GALNTL6: variants seen among roughly 807,000 people sequenced by gnomAD.
The protein encoded by GALNTL6 is polypeptide N-acetylgalactosaminyltransferase like 6, also known as polypeptide N-acetylgalactosaminyltransferase-like 6.
In GALNTL6, 46 loss-of-function variants were observed where a neutral mutation model predicts 73.7. That is an observed-to-expected ratio of 0.62 (90% CI 0.49 to 0.80). The LOEUF (loss-of-function observed/expected upper bound fraction) is 0.80, where lower values mean the gene tolerates loss of function less well. Ranked by LOEUF, GALNTL6 falls within the 30% of genes least tolerant of loss-of-function variation. The pLI, the probability that GALNTL6 is intolerant of heterozygous loss-of-function variation, is 0.00. For missense variants in GALNTL6, 604 were observed against 755.0 expected (o/e 0.80, Z 2.34); for synonymous variants, 259 against 263.7 (o/e 0.98, Z 0.17).
chr4:171,916,096 G>A (rs569718481), intron 2 of GALNTL6, among the ~76,000 whole-genome samples: 27 of 151,424 alleles, frequency 1.8e-4, no homozygotes, highest in African/African-American at 2.9e-4. Context: ...CATATTCTAC[G>A]TTTGAGATAT....
At chr4:172,452,269 CAAA>C (rs926077853) in intron 5 of GALNTL6, among the ~76,000 whole-genome samples, 1 of 149,022 alleles carries the variant, frequency 6.7e-6, no homozygotes, top group African/African-American at 2.5e-5. Flanking sequence ...TAAAAGTGAA[CAAA>C]AAAAAGACAC....
At chr4:172,045,627 T>C (rs1324323685) in intron 2 of GALNTL6, among the ~76,000 whole-genome samples, 3 of 151,990 alleles carry the variant, frequency 2.0e-5, no homozygotes, top group African/African-American at 4.8e-5. Context: ...ACTGTTCCTT[T>C]TTAGGCATGT....
chr4:173,008,562 C>T (rs192362972), intron 10 of GALNTL6, among the ~76,000 whole-genome samples: 33 of 152,242 alleles, frequency 2.2e-4, no homozygotes, highest in Admixed American at 6.5e-4. Context: ...ATTATAGGGC[C>T]GCTAAATGAG....
At chr4:172,869,096 T>A (rs1744797601) in intron 7 of GALNTL6, among the ~76,000 whole-genome samples, 1 of 152,210 alleles carries the variant, frequency 6.6e-6, no homozygotes, top group South Asian at 2.1e-4. Flanking sequence ...TTTGAGAATA[T>A]TCTATGCTGG....
At chr4:172,648,487 A>T (rs1480164093) in intron 5 of GALNTL6, among the ~76,000 whole-genome samples, 4 of 152,158 alleles carry the variant, frequency 2.6e-5, no homozygotes, top group African/African-American at 4.8e-5. Context: ...ATGAATATGA[A>T]TTATTAGAAT....
chr4:172,950,501 A>C (rs938410546), intron 9 of GALNTL6, among the ~76,000 whole-genome samples: 2 of 152,158 alleles, frequency 1.3e-5, no homozygotes, highest in Admixed American at 1.3e-4. Flanking sequence ...CACCAAAAGC[A>C]CCCAAGGAGT....
chr4:172,764,873 A>G lies in GALNTL6; in HGVS notation c.554-44488A>G, dbSNP rs144526336. Among the ~76,000 whole-genome samples, 254 of 152,372 alleles carry G rather than the reference A, an allele frequency of 1.7e-3. 1 individual carries two copies. Among genetic ancestry groups the G allele is most frequent in the African/African-American group, 5.9e-3 (247 of 41,590 alleles). ...TGAAGGTTAATTCCACAAGACCTGC[A>G]TAGTTATCTTAAAATAAGTTTACTT... On this transcript the variant is annotated intron_variant, in intron 5 of 12. Coordinates refer to ENST00000506823, the MANE Select transcript of GALNTL6 (RefSeq NM_001034845.3).
chr4:172,696,158 G>A (rs1579352446), intron 5 of GALNTL6, among the ~76,000 whole-genome samples: 1 of 152,110 alleles, frequency 6.6e-6, no homozygotes, highest in African/African-American at 2.4e-5. Context: ...TAAATTTCCA[G>A]TGGCCTAATG....
At chr4:172,016,584 A>C (rs866035857) in intron 2 of GALNTL6, among the ~76,000 whole-genome samples, 15 of 152,056 alleles carry the variant, frequency 9.9e-5, no homozygotes, top group South Asian at 6.2e-4. Flanking sequence ...TCAGAGATTT[A>C]TTCTTCATTT....
chr4:172,895,045 A>AT (rs1746247684), intron 8 of GALNTL6, among the ~76,000 whole-genome samples: 1 of 151,028 alleles, frequency 6.6e-6, no homozygotes, highest in African/African-American at 2.4e-5. Flanking sequence ...AGTGGAATAA[A>AT]TTTTTTTCAT....
chr4:172,931,120 G>C (rs1161365420), intron 8 of GALNTL6, 41 bp from the exon 9 acceptor site: 1 of 1,067,626 alleles, frequency 9.4e-7, no homozygotes. Context: ...TTTCTTGTGT[G>C]AAATTCACTG....
intron 3 of GALNTL6, among the ~76,000 whole-genome samples, chr4:172,275,880 C>G (rs1738812487): frequency 6.6e-6 from 1 of 152,140 alleles, no homozygotes; most frequent in Non-Finnish European, 1.5e-5. Context: ...TCTCTTGAAC[C>G]CAGGAGGCAG....
chr4:172,349,952 T>C (rs575785303), intron 5 of GALNTL6, among the ~76,000 whole-genome samples: 1 of 152,202 alleles, frequency 6.6e-6, no homozygotes, highest in East Asian at 1.9e-4. Context: ...TAAGAGCCAC[T>C]GTCTAAAACT....
chr4:172,212,192 C>G (rs961679556), intron 2 of GALNTL6, among the ~76,000 whole-genome samples: 4 of 151,866 alleles, frequency 2.6e-5, no homozygotes, highest in African/African-American at 9.7e-5. Context: ...GACCAAGACT[C>G]TCTCTGTCAC....
At position 172,868,667 on chromosome 4, in the gene GALNTL6, A is replaced by G. The variant is rs1349572502; in HGVS notation, c.924-14123A>G. 2.6e-5 allele frequency among the ~76,000 whole-genome samples: 4 copies of G among 152,180 alleles called. No homozygotes were observed. The East Asian group carries it at 7.7e-4, about 29-fold the overall frequency. ...TGGGAATCAGCCAATCTGCATTAGG[A>G]CCTGTCTCTGAAACTCCTAATGGAA... On this transcript the variant is annotated intron_variant, in intron 7 of 12. Coordinates refer to ENST00000506823, the MANE Select transcript of GALNTL6 (RefSeq NM_001034845.3).
chr4:172,400,909 A>G (rs1291745831), intron 5 of GALNTL6, among the ~76,000 whole-genome samples: 1 of 152,124 alleles, frequency 6.6e-6, no homozygotes, highest in Non-Finnish European at 1.5e-5. Flanking sequence ...TACATGTTGC[A>G]TAGGAGAATG....
At chr4:172,900,024 C>G (rs913711640) in intron 8 of GALNTL6, among the ~76,000 whole-genome samples, 4 of 152,058 alleles carry the variant, frequency 2.6e-5, no homozygotes, top group Non-Finnish European at 5.9e-5. Flanking sequence ...TGCAGACTTC[C>G]CATATCATCC....
intron 5 of GALNTL6, among the ~76,000 whole-genome samples, chr4:172,790,849 A>G (rs778094028): frequency 1.3e-5 from 2 of 150,828 alleles, no homozygotes; most frequent in Non-Finnish European, 2.9e-5. Context: ...CAGTGAGCCA[A>G]GATCACACTA....
chr4:172,337,200 C>T (rs116433964), intron 4 of GALNTL6, among the ~76,000 whole-genome samples: 15 of 151,912 alleles, frequency 9.9e-5, no homozygotes, highest in East Asian at 5.8e-4. Context: ...AGCTGCTGGA[C>T]GGGTCATTTT....
Sources: gnomAD v4.1 joint callset for allele counts (sites outside exome capture counted in the v4.1 genomes callset) on GRCh38, gnomAD v4.1.1 for gene constraint, MANE v1.5 for transcripts, NCBI Gene and HGNC (gene_info 2026-07-23, HGNC 2026-07-21) for gene names.